The following PTPRG variants were observed in gnomAD, a reference collection of about 807,000 sequenced individuals.
PTPRG encodes protein tyrosine phosphatase receptor type G.
Under a neutral mutation model 165.3 loss-of-function variants are expected in PTPRG, and 102 were observed. The observed-to-expected ratio is 0.62, with a 90% CI of 0.53 to 0.73. The LOEUF (loss-of-function observed/expected upper bound fraction) is 0.73, where lower values mean the gene tolerates loss of function less well. PTPRG is among the 30% of genes least tolerant of loss of function. The pLI, the probability that PTPRG is intolerant of heterozygous loss-of-function variation, is 0.00. For synonymous variants in PTPRG, 675 were observed against 669.5 expected (o/e 1.01, Z -0.13); for missense variants, 1,866 against 1,861.4 (o/e 1.00, Z -0.05).
At chr3:62,196,093 A>G (rs1423319427) in intron 10 of PTPRG, among the ~76,000 whole-genome samples, 4 of 150,470 alleles carry the variant, frequency 2.7e-5, no homozygotes, top group African/African-American at 7.3e-5. Context: ...CGGCAATGGG[A>G]TGTTTTTTAA....
chr3:61,780,413 C>T (rs1327859516), intron 2 of PTPRG, among the ~76,000 whole-genome samples: 3 of 152,108 alleles, frequency 2.0e-5, no homozygotes, highest in Non-Finnish European at 4.4e-5. Flanking sequence ...CACAGGAAAA[C>T]TGGATTTGTC....
At chr3:61,768,256 G>A (rs1036857453) in intron 2 of PTPRG, among the ~76,000 whole-genome samples, 1 of 152,148 alleles carries the variant, frequency 6.6e-6, no homozygotes, top group Non-Finnish European at 1.5e-5. Flanking sequence ...CAGGTATGAT[G>A]TATGTCTTTT....
At chr3:61,883,165 C>G (rs1231918411) in intron 2 of PTPRG, among the ~76,000 whole-genome samples, 1 of 152,154 alleles carries the variant, frequency 6.6e-6, no homozygotes, top group Non-Finnish European at 1.5e-5. Flanking sequence ...CTTTAATTAT[C>G]ATTGTAAAGG....
chr3:62,155,431 A>T (rs546092029), intron 6 of PTPRG, among the ~76,000 whole-genome samples: 1 of 152,332 alleles, frequency 6.6e-6, no homozygotes, highest in East Asian at 1.9e-4. Flanking sequence ...TGGATTCTAA[A>T]CCCAGCTACC....
intron 28 of PTPRG, among the ~76,000 whole-genome samples, chr3:62,284,118 C>T (rs1702551392): frequency 6.6e-6 from 1 of 151,920 alleles, no homozygotes; most frequent in Non-Finnish European, 1.5e-5. Context: ...TCATCAAATT[C>T]TAACGTTACT....
rs531651541 is a variant in PTPRG, at chr3:61,985,632, T to G, written c.191-3993T>G. ...AGCCCTGCTCCTTATGTCCCATTTC[T>G]CAGCCCTGTCTAGGACTGAGCAAGT... On this transcript the variant is annotated intron_variant, in intron 2 of 29. Coordinates refer to ENST00000474889, the MANE Select transcript of PTPRG (RefSeq NM_002841.4). Among the ~76,000 whole-genome samples the G allele has an allele frequency of 5.3e-5, 8 of 152,334 alleles. No individual in the cohort carries two copies. In the South Asian group the frequency reaches 1.7e-3, roughly 32 times the overall value.
chr3:61,990,899 CTTTTT>C (rs10662494), intron 3 of PTPRG, among the ~76,000 whole-genome samples: 2 of 139,202 alleles, frequency 1.4e-5, no homozygotes, highest in Admixed American at 7.2e-5. Context: ...ACAAAGTTGC[CTTTTT>C]TTTTTTTTTT....
At chr3:62,048,801 A>G (rs1700377318) in intron 4 of PTPRG, among the ~76,000 whole-genome samples, 1 of 152,206 alleles carries the variant, frequency 6.6e-6, no homozygotes, top group African/African-American at 2.4e-5. Context: ...TGATCTGTAA[A>G]GGTGAACATA....
At chr3:62,180,984 T>C (rs1012807459) in intron 8 of PTPRG, among the ~76,000 whole-genome samples, 3 of 152,174 alleles carry the variant, frequency 2.0e-5, no homozygotes, top group East Asian at 3.8e-4. Context: ...AGAAACAGTT[T>C]TCAAATTTGC....
chr3:62,171,983 T>G (rs1313160827), intron 8 of PTPRG, among the ~76,000 whole-genome samples: 2 of 152,236 alleles, frequency 1.3e-5, no homozygotes, highest in Non-Finnish European at 2.9e-5. Context: ...TTGTCTATTC[T>G]GCACATTTTA....
rs894528787 is a variant in PTPRG at position 61,562,110 on chromosome 3, CG to C, written c.-172del. The C allele has an allele frequency of 1.7e-5, 10 of 588,328 alleles. No individual in the cohort carries two copies. In the Admixed American group the frequency reaches 2.7e-4, roughly 16 times the overall value. 36.4% of individuals were successfully genotyped at this position (588,328 alleles called of 1,614,324 possible). On this transcript the variant is annotated 5_prime_UTR_variant, in exon 1 of 30. Transcript: ENST00000474889. ...TTCCCGGTCACTTTTTGAGATTTTC[CG>C]GGGGGCGCTCGGCGGCTTCCCGGAT...
At chr3:62,166,661 A>G (rs1438944109) in intron 7 of PTPRG, among the ~76,000 whole-genome samples, 2 of 151,686 alleles carry the variant, frequency 1.3e-5, no homozygotes, top group East Asian at 1.9e-4. Flanking sequence ...AATGATCACA[A>G]TGTTGAGGGA....
chr3:62,001,288 G>C (rs1244409600), intron 3 of PTPRG, among the ~76,000 whole-genome samples: 1 of 152,224 alleles, frequency 6.6e-6, no homozygotes, highest in African/African-American at 2.4e-5. Context: ...AGATTGTACA[G>C]TTCCCTAATT....
intron 2 of PTPRG, among the ~76,000 whole-genome samples, chr3:61,960,473 T>C (rs1298603955): frequency 2.0e-5 from 3 of 152,194 alleles, no homozygotes; most frequent in Non-Finnish European, 4.4e-5. Context: ...GTGATTTTTC[T>C]GCATCATTTG....
At chr3:61,610,373 T>C (rs1164892380) in intron 1 of PTPRG, among the ~76,000 whole-genome samples, 1 of 152,122 alleles carries the variant, frequency 6.6e-6, no homozygotes, top group Non-Finnish European at 1.5e-5. Context: ...AAGACCCAAA[T>C]CATTTGGTAG....
At position 62,219,583 on chromosome 3, in the gene PTPRG, C is replaced by T. The variant is rs569598236; in HGVS notation, c.2288+600C>T. 5.9e-5 allele frequency among the ~76,000 whole-genome samples: 9 copies of T among 152,286 alleles called. No homozygotes were observed. In the South Asian group the frequency reaches 1.2e-3, roughly 21 times the overall value. On this transcript the variant is annotated intron_variant, in intron 13 of 29. Transcript: ENST00000474889. This position sits in a 1 kb window ranked among gnomAD's most constrained non-coding sequence, Gnocchi z 4.5. Reference sequence around the variant, plus strand: ...TGTTTAGAAGTTGTGTTTTTTCAGCCGGACCGTCTCAGCCAGCTCAGCTGA... The same window carrying T: ...TGTTTAGAAGTTGTGTTTTTTCAGCTGGACCGTCTCAGCCAGCTCAGCTGA...
chr3:62,064,806 C>T (rs1014021824), intron 4 of PTPRG, among the ~76,000 whole-genome samples: 36 of 143,820 alleles, frequency 2.5e-4, no homozygotes, highest in African/African-American at 7.6e-4. Flanking sequence ...AATCTGGGCT[C>T]GCCGCAACAT....
intron 2 of PTPRG, among the ~76,000 whole-genome samples, chr3:61,983,201 G>C (rs2040679818): frequency 6.6e-6 from 1 of 152,092 alleles, no homozygotes; most frequent in African/African-American, 2.4e-5. Flanking sequence ...TGCACAAGAA[G>C]TAATTAAGCT....
intron 1 of PTPRG, among the ~76,000 whole-genome samples, chr3:61,608,189 G>A (rs201507012): frequency 2.5e-4 from 36 of 145,680 alleles, no homozygotes; most frequent in African/African-American, 8.2e-4. Flanking sequence ...TTCCTTCTTC[G>A]TACAGAGCCT....
Sources: allele counts gnomAD v4.1 joint callset (sites outside exome capture counted in the v4.1 genomes callset), GRCh38; gene constraint gnomAD v4.1.1; non-coding constraint Gnocchi (gnomAD v3.1); transcripts MANE v1.5; gene names NCBI Gene and HGNC (gene_info 2026-07-23, HGNC 2026-07-21).